Variants in YPEL4 observed in about 807,000 individuals in gnomAD.
YPEL4 encodes protein yippee-like 4.
In YPEL4, 5 loss-of-function variants were observed where a neutral mutation model predicts 16.3. The observed-to-expected ratio is 0.31, with a 90% CI of 0.16 to 0.64. The LOEUF is 0.64. Ranked by LOEUF, YPEL4 falls within the 30% of genes least tolerant of loss-of-function variation. YPEL4 has a pLI of 0.79. For synonymous variants in YPEL4, 61 were observed against 60.7 expected, an observed-to-expected ratio of 1.00 and a Z score of -0.02; for missense variants, 127 against 170.0, an observed-to-expected ratio of 0.75 and a Z score of 1.41.
rs1945721388 is a variant in YPEL4, at chr11:57,645,597, G to A, written c.*384C>T. 1.4e-5 allele frequency: 3 copies of A among 207,214 alleles called. No individual in the cohort carries two copies. In the Admixed American group the frequency reaches 1.6e-4, roughly 11 times the overall value. 12.8% of individuals were successfully genotyped at this position (207,214 alleles called of 1,614,324 possible). A position where few individuals can be genotyped will look rare whatever the true frequency, so the allele number is the denominator to read the frequency against. On this transcript the variant is annotated 3_prime_UTR_variant, in exon 5 of 5. Coordinates refer to ENST00000300022, the MANE Select transcript of YPEL4 (RefSeq NM_145008.3). ...CTGTGGTCCATGATCTACTTGCCCT[G>A]TGACCCAAGGTTTGTCCTCTGTTCA...
chr11:57,646,234 T>C, intron 4 of YPEL4, 63 bp downstream of exon 4: 1 of 1,593,092 alleles, frequency 6.3e-7, no homozygotes. Flanking sequence ...ACATGGTCAC[T>C]GGTGCTTGAA....
At position 57,646,354 on chromosome 11, in the gene YPEL4, G is replaced by C. The variant is rs892228727; in HGVS notation, c.237C>G (p.Leu79=). 1.9e-6 allele frequency: 3 copies of C among 1,614,124 alleles called. No homozygotes were observed. The African/African-American group carries it at 4.0e-5, about 22-fold the overall frequency. Residue 79 remains leucine (L), a synonymous_variant, in exon 4 of 5, where the codon CTC becomes CTG. Transcript: ENST00000300022. The part of the protein sequence containing the change: ...PAEQRLLLTG[L]HSVADIFCES... ...CACAGAAAATGTCAGCTACCGAGTGGAGCCCCGTGAGCAAGAGGCGCTGTT... is the reference window on the plus strand; with the variant it reads ...CACAGAAAATGTCAGCTACCGAGTGCAGCCCCGTGAGCAAGAGGCGCTGTT...
chr11:57,646,185 T>C, intron 4 of YPEL4, 112 bp downstream of exon 4: 1 of 1,521,742 alleles, frequency 6.6e-7, no homozygotes, highest in Non-Finnish European at 9.1e-7. Context: ...CAGTGACTAG[T>C]TCTTTCTTTC....
rs756469888 is a variant in YPEL4, at chr11:57,646,942, A to G, written c.141+25T>C. ...CTAGCCTGGTGCGCGAGAGGAGGGGAATGGCAGGTCCCCGCTTCGCGTACC... is the reference window on the plus strand; with the variant it reads ...CTAGCCTGGTGCGCGAGAGGAGGGGGATGGCAGGTCCCCGCTTCGCGTACC... On this transcript the variant is annotated intron_variant, in intron 2 of 4. Transcript: ENST00000300022. The G allele has an allele frequency of 1.1e-5, 18 of 1,570,250 alleles. No homozygotes were observed. In the East Asian group the frequency reaches 3.9e-4, roughly 34 times the overall value.
At chr11:57,646,543 A>C in intron 3 of YPEL4, 138 bp from the exon 4 acceptor site, 1 of 1,203,016 alleles carries the variant, frequency 8.3e-7, no homozygotes, top group South Asian at 1.4e-5. Context: ...TTAAGACTAG[A>C]GCCTGGGCCT....
rs764311509 is a variant in YPEL4, at chr11:57,647,147, T to C, written c.-40A>G. ...CAATGCCCTGGTGGGCTGGAGGGGCTGGCGCCGTGCAGCCCCCGCAGAGAC... is the reference window on the plus strand; with the variant it reads ...CAATGCCCTGGTGGGCTGGAGGGGCCGGCGCCGTGCAGCCCCCGCAGAGAC... On this transcript the variant is annotated 5_prime_UTR_variant, in exon 2 of 5. Transcript: ENST00000300022. This position sits in a 1 kb window ranked among gnomAD's most constrained non-coding sequence, Gnocchi z 4.2. 1.8e-5 allele frequency: 28 copies of C among 1,519,262 alleles called. No individual in the cohort carries two copies. Among genetic ancestry groups the C allele is most frequent in the Non-Finnish European group, 2.2e-5 (25 of 1,137,122 alleles). 94.1% of individuals were successfully genotyped at this position (1,519,262 alleles called of 1,614,324 possible).
rs1555000968 is a variant in YPEL4, at chr11:57,647,618, C to T, written c.-184-327G>A. ...GGGAGCAACGTCATCTGCAAGTGCC[C>T]TCTCCTTGGTTTTCAGTTCTTCGTG... On this transcript the variant is annotated intron_variant, in intron 1 of 4. Transcript: ENST00000300022. This position sits in a 1 kb window ranked among gnomAD's most constrained non-coding sequence, Gnocchi z 4.2. 6.5e-6 allele frequency: 1 copy of T among 152,912 alleles called. No individual in the cohort carries two copies. Among genetic ancestry groups the T allele is most frequent in the Non-Finnish European group, 1.5e-5 (1 of 68,580 alleles). The allele number at this position is 152,912 out of a possible 1,614,324, so 9.5% of individuals were successfully genotyped here. A position where few individuals can be genotyped will look rare whatever the true frequency, so the allele number is the denominator to read the frequency against.
rs1035774839 is a variant in YPEL4, at chr11:57,649,725, TCTCTCTCA to T, written c.-233_-226del. On this transcript the variant is annotated 5_prime_UTR_variant, in exon 1 of 5. Coordinates refer to ENST00000300022, the MANE Select transcript of YPEL4 (RefSeq NM_145008.3). ...AGAGATCTCCGTCTATCTCTCTCTCTCTCTCTCAATCTCTCAATCTCTCTGCTCACTCT... is the reference window on the plus strand; with the variant it reads ...AGAGATCTCCGTCTATCTCTCTCTCTATCTCTCAATCTCTCTGCTCACTCT... The T allele has an allele frequency of 6.7e-6, 1 of 148,192 alleles. No homozygotes were observed. Among genetic ancestry groups the T allele is most frequent in the Non-Finnish European group, 1.5e-5 (1 of 67,190 alleles). 9.2% of individuals were successfully genotyped at this position (148,192 alleles called of 1,614,324 possible).
chr11:57,646,901 CT>C (rs1174711652), intron 2 of YPEL4, 65 bp downstream of exon 2: 1 of 1,584,744 alleles, frequency 6.3e-7, no homozygotes, highest in Non-Finnish European at 8.6e-7. Context: ...TGCCTCACCC[CT>C]GGGTGATGTT....
At chr11:57,646,546 C>T in intron 3 of YPEL4, 141 bp from the exon 4 acceptor site, 1 of 1,201,252 alleles carries the variant, frequency 8.3e-7, no homozygotes, top group East Asian at 2.5e-5. Flanking sequence ...AGACTAGAGC[C>T]TGGGCCTTCT....
chr11:57,646,135 G>C, intron 4 of YPEL4, 65 bp from the exon 5 acceptor site: 1 of 1,590,182 alleles, frequency 6.3e-7, no homozygotes, highest in South Asian at 1.1e-5. Context: ...ACTGTCACCT[G>C]TATGGCCCCC....
chr11:57,647,055 A>T lies in YPEL4; in HGVS notation c.53T>A (p.Phe18Tyr). The change falls in exon 2 of 5, where the codon TTC (phenylalanine) becomes TAC (tyrosine). Residue 18 changes from phenylalanine to tyrosine, a missense_variant. Coordinates refer to ENST00000300022, the MANE Select transcript of YPEL4 (RefSeq NM_145008.3). The surrounding 1 kb of genome is among the most constrained non-coding windows in gnomAD (Gnocchi z 4.2). Reference sequence around the variant, plus strand: ...GTGACAGCGGGGCAGATAGCTGCGGAAAGTCTTGGTGGGGAGGCAGGCAGG... The same window carrying T: ...GTGACAGCGGGGCAGATAGCTGCGGTAAGTCTTGGTGGGGAGGCAGGCAGG... The part of the protein sequence containing the change: ...PGPACLPTKT[F>Y]RSYLPRCHRT... 1 of 1,597,460 alleles carries T rather than the reference A, an allele frequency of 6.3e-7. No individual in the cohort carries two copies.
rs1008068518 is a variant in YPEL4 at position 57,645,934 on chromosome 11, G to A, written c.*47C>T. 9.4e-6 allele frequency: 15 copies of A among 1,593,714 alleles called. No individual in the cohort carries two copies. The highest frequency in any genetic ancestry group is 1.3e-5 in the African/African-American group (1 of 74,584). The stretch of plus-strand genomic sequence containing the variant: ...GGTATAGACTGCTTGGCAGGGCCGT[G>A]GGGAGGGAGGGGCATGCGGAGGAAG... On this transcript the variant is annotated 3_prime_UTR_variant, in exon 5 of 5. Transcript: ENST00000300022.
In YPEL4 at chr11:57,646,997, G is replaced by A; in HGVS notation, c.111C>T (p.His37=). 1 of 1,590,272 alleles carries A rather than the reference G, an allele frequency of 6.3e-7. No homozygotes were observed. Among genetic ancestry groups the A allele is most frequent in the Non-Finnish European group, 8.6e-7 (1 of 1,168,522 alleles). ...AAATAAGCTCATCGTGTTTGGCCAG[G>A]TGTGCACGGCAGTGGACACAGCTGT... The part of the protein sequence containing the change: ...RTYSCVHCRA[H]LAKHDELISK... The change falls in exon 2 of 5, where the codon CAC becomes CAT. Residue 37 remains histidine, a synonymous_variant. Coordinates refer to ENST00000300022, the MANE Select transcript of YPEL4 (RefSeq NM_145008.3).
Position 57,647,908 on chromosome 11 carries a change from C to G in YPEL4, c.-184-617G>C, listed in dbSNP as rs1176560799. 6.6e-6 allele frequency: 1 copy of G among 152,192 alleles called. No individual in the cohort carries two copies. The highest frequency in any genetic ancestry group is 1.5e-5 in the Non-Finnish European group (1 of 68,074). The allele number at this position is 152,192 out of a possible 1,614,324, so 9.4% of individuals were successfully genotyped here. A position where few individuals can be genotyped will look rare whatever the true frequency, so the allele number is the denominator to read the frequency against. On this transcript the variant is annotated intron_variant, in intron 1 of 4. Transcript: ENST00000300022. The surrounding 1 kb of genome is among the most constrained non-coding windows in gnomAD (Gnocchi z 4.2). ...AACTTTATAGATGTTTCCAACAGTA[C>G]CAAAGCCCTCACGTGTGGCCGCCCA...
rs59112417 is a variant in YPEL4, at chr11:57,645,607, G to A, written c.*374C>T. The A allele has an allele frequency of 2.5e-3, 555 of 223,046 alleles. 3 individuals carry two copies. The highest frequency in any genetic ancestry group is 0.011 in the African/African-American group (498 of 44,164). The allele number at this position is 223,046 out of a possible 1,614,324, so 13.8% of individuals were successfully genotyped here. A position where few individuals can be genotyped will look rare whatever the true frequency, so the allele number is the denominator to read the frequency against. On this transcript the variant is annotated 3_prime_UTR_variant, in exon 5 of 5. Transcript: ENST00000300022. ...TGATCTACTTGCCCTGTGACCCAAGGTTTGTCCTCTGTTCACTCAAAAAGA... is the reference window on the plus strand; with the variant it reads ...TGATCTACTTGCCCTGTGACCCAAGATTTGTCCTCTGTTCACTCAAAAAGA...
Position 57,647,723 on chromosome 11 carries a change from T to C in YPEL4, c.-184-432A>G, listed in dbSNP as rs1344708324. The C allele has an allele frequency of 6.6e-6, 1 of 152,298 alleles. No individual in the cohort carries two copies. Among genetic ancestry groups the C allele is most frequent in the African/African-American group, 2.4e-5 (1 of 41,436 alleles). 9.4% of individuals were successfully genotyped at this position (152,298 alleles called of 1,614,324 possible). A position where few individuals can be genotyped will look rare whatever the true frequency, so the allele number is the denominator to read the frequency against. Reference sequence around the variant, plus strand: ...TGGGGATGCCTGAAGGTCTTTCTTTTACATGGTCTTTGTTTGCAATACAAT... The same window carrying C: ...TGGGGATGCCTGAAGGTCTTTCTTTCACATGGTCTTTGTTTGCAATACAAT... On this transcript the variant is annotated intron_variant, in intron 1 of 4. Transcript: ENST00000300022. This position sits in a 1 kb window ranked among gnomAD's most constrained non-coding sequence, Gnocchi z 4.2.
chr11:57,649,097 G>C (rs1333158975), intron 1 of YPEL4: 2 of 152,476 alleles, frequency 1.3e-5, no homozygotes, highest in African/African-American at 4.8e-5. Flanking sequence ...AAGCAAGTTG[G>C]GCAAATGACT....
Position 57,647,112 on chromosome 11 carries a change from G to A in YPEL4, c.-5C>T. 1 of 1,566,116 alleles carries A rather than the reference G, an allele frequency of 6.4e-7. No individual in the cohort carries two copies. The highest frequency in any genetic ancestry group is 8.6e-7 in the Non-Finnish European group (1 of 1,159,880). ...ACCGGGGTCACAGCTGGGCATGACGGGCTGGAGGACAATGCCCTGGTGGGC... is the reference window on the plus strand; with the variant it reads ...ACCGGGGTCACAGCTGGGCATGACGAGCTGGAGGACAATGCCCTGGTGGGC... On this transcript the variant is annotated 5_prime_UTR_variant, in exon 2 of 5. Coordinates refer to ENST00000300022, the MANE Select transcript of YPEL4 (RefSeq NM_145008.3). The surrounding 1 kb of genome is among the most constrained non-coding windows in gnomAD (Gnocchi z 4.2).
Sources: gnomAD v4.1 joint callset for allele counts on GRCh38, gnomAD v4.1.1 for gene constraint, Gnocchi (gnomAD v3.1) non-coding constraint, MANE v1.5 for transcripts, NCBI Gene and HGNC (gene_info 2026-07-23, HGNC 2026-07-21) for gene names.